Variants in OR4E2 observed in about 807,000 individuals in gnomAD.
OR4E2 encodes olfactory receptor 4E2.
In OR4E2, 9 loss-of-function variants were observed where a neutral mutation model predicts 11.0. That is an observed-to-expected ratio of 0.82 (90% CI 0.49 to 1.43). The LOEUF is 1.43. OR4E2 is among the 40% of genes most tolerant of loss of function. The pLI is 0.00. For synonymous variants in OR4E2, 159 were observed against 147.3 expected, an observed-to-expected ratio of 1.08 and a Z score of -0.57; for missense variants, 441 against 382.0, an observed-to-expected ratio of 1.15 and a Z score of -1.29.
rs150441769 is a variant in OR4E2 at position 21,655,813 on chromosome 14, G to A, written c.-190-689G>A. Reference sequence around the variant, plus strand: ...TTCTATAAAAAAATTTGTTGAATGCGTCTTAAAATGCAGTTCCAATGGTGC... The same window carrying A: ...TTCTATAAAAAAATTTGTTGAATGCATCTTAAAATGCAGTTCCAATGGTGC... On this transcript the variant is annotated intron_variant, in intron 1 of 3. Transcript: ENST00000641524. 1.8e-3 allele frequency among the ~76,000 whole-genome samples: 274 copies of A among 152,134 alleles called. 1 individual carries two copies. Among genetic ancestry groups the A allele is most frequent in the African/African-American group, 6.1e-3 (251 of 41,476 alleles).
intron 2 of OR4E2, among the ~76,000 whole-genome samples, chr14:21,657,622 C>T (rs1880082683): frequency 6.8e-6 from 1 of 147,006 alleles, no homozygotes; most frequent in East Asian, 2.0e-4. Context: ...CGGAGTTTTG[C>T]TCTTGTTGCC....
At chr14:21,660,117 G>A (rs117380298) in intron 2 of OR4E2, among the ~76,000 whole-genome samples, 4,859 of 152,154 alleles carry the variant, frequency 0.032, 113 homozygotes, top group Non-Finnish European at 0.046. Context: ...TCCATGGACT[G>A]GGGGTGGGGG....
intron 3 of OR4E2, among the ~76,000 whole-genome samples, chr14:21,661,218 C>A (rs1175424487): frequency 1.3e-5 from 2 of 152,100 alleles, no homozygotes; most frequent in African/African-American, 4.8e-5. Context: ...GTGTGTTCGT[C>A]AACAACTATC....
At chr14:21,659,116 G>GC (rs1489457173) in intron 2 of OR4E2, among the ~76,000 whole-genome samples, 1 of 151,914 alleles carries the variant, frequency 6.6e-6, no homozygotes, top group African/African-American at 2.4e-5. Flanking sequence ...GCTCACTGCA[G>GC]CCTCAAACTC....
chr14:21,664,736 G>A (rs534317629), intron 3 of OR4E2, among the ~76,000 whole-genome samples: 1 of 152,298 alleles, frequency 6.6e-6, no homozygotes, highest in South Asian at 2.1e-4. Context: ...TGGAATATTA[G>A]CTTAATGTTA....
At chr14:21,655,954 A>G (rs527495383) in intron 1 of OR4E2, among the ~76,000 whole-genome samples, 50 of 152,144 alleles carry the variant, frequency 3.3e-4, no homozygotes, top group African/African-American at 1.2e-3. Context: ...GAAAAGAAAA[A>G]GGATTAAAAA....
At chr14:21,658,262 C>T (rs1880126827) in intron 2 of OR4E2, among the ~76,000 whole-genome samples, 3 of 152,268 alleles carry the variant, frequency 2.0e-5, no homozygotes, top group South Asian at 4.2e-4. Context: ...GGAGATGAAC[C>T]TGTCAAAGGT....
Position 21,665,657 on chromosome 14 carries a change from C to T in OR4E2, c.575C>T (p.Thr192Ile). The change falls in exon 4 of 4, where the codon ACA becomes ATA. Residue 192 changes from threonine (T) to isoleucine (I), a missense_variant. Transcript: ENST00000641524. ...PLVIKLACTD[T>I]YLTGILIVTN... Reference sequence around the variant, plus strand: ...GTTATCAAGCTGGCCTGCACAGATACATACCTCACAGGAATACTGATTGTG... The same window carrying T: ...GTTATCAAGCTGGCCTGCACAGATATATACCTCACAGGAATACTGATTGTG... 6.2e-7 allele frequency: 1 copy of T among 1,614,204 alleles called. No individual in the cohort carries two copies. The highest frequency in any genetic ancestry group is 8.5e-7 in the Non-Finnish European group (1 of 1,180,034).
rs948976667 is a variant in OR4E2, at chr14:21,665,207, A to G, written c.125A>G (p.Asn42Ser). ...ATTTATATGCTAACGCTTTCGGGGA[A>G]CATTCTCATCATCATTGCCACAGTC... ...SAIYMLTLSGNILIIIATVFT... is the reference protein window; with the variant it reads ...SAIYMLTLSGSILIIIATVFT... The change falls in exon 4 of 4, where the codon AAC (asparagine) becomes AGC (serine). Residue 42 changes from asparagine to serine, a missense_variant. Physicochemically the swap from Asn to Ser is conservative, Grantham distance 46. Transcript: ENST00000641524. The G allele has an allele frequency of 5.0e-6, 8 of 1,613,826 alleles. No individual in the cohort carries two copies. The African/African-American group carries it at 5.3e-5, about 11-fold the overall frequency.
chr14:21,663,979 C>T (rs1216014296), intron 3 of OR4E2, among the ~76,000 whole-genome samples: 2 of 152,170 alleles, frequency 1.3e-5, no homozygotes, highest in Admixed American at 1.3e-4. Context: ...TTATGTACCA[C>T]ATTTTCTTTA....
In OR4E2 at chr14:21,657,352, T is replaced by A. The variant is rs563800122; in HGVS notation, c.-103+763T>A. Among the ~76,000 whole-genome samples, 65 of 141,998 alleles carry A rather than the reference T, an allele frequency of 4.6e-4. 1 individual carries two copies. In the South Asian group the frequency reaches 8.6e-3, roughly 19 times the overall value. The allele number at this position is 141,998 out of a possible 152,430, so 93.2% of individuals were successfully genotyped here. On this transcript the variant is annotated intron_variant, in intron 2 of 3. Transcript: ENST00000641524. ...GATGTTAAATGCTTCCTTCCTTCCT[T>A]CCTTCCTTCCTTCCTTCCTTCCTTC...
intron 3 of OR4E2, 54 bp from the exon 4 acceptor site, chr14:21,665,021 G>T: frequency 1.1e-6 from 1 of 902,536 alleles, no homozygotes; most frequent in Middle Eastern, 2.3e-4. Context: ...ATTTCAATTA[G>T]TTCTATTCCT....
At chr14:21,654,938 T>C (rs984998818) in intron 1 of OR4E2, among the ~76,000 whole-genome samples, 1 of 152,190 alleles carries the variant, frequency 6.6e-6, no homozygotes, top group Admixed American at 6.5e-5. Context: ...AGGACCTCAG[T>C]CATTTTTCTT....
intron 1 of OR4E2, among the ~76,000 whole-genome samples, chr14:21,655,968 C>A (rs929181944): frequency 6.6e-6 from 1 of 151,412 alleles, no homozygotes; most frequent in African/African-American, 2.4e-5. Flanking sequence ...TTAAAAAAAA[C>A]CAAGGACCAA....
chr14:21,655,684 T>A (rs1879902981), intron 1 of OR4E2, among the ~76,000 whole-genome samples: 1 of 152,124 alleles, frequency 6.6e-6, no homozygotes, highest in African/African-American at 2.4e-5. Context: ...AAAAAAAGTT[T>A]TAAAAATTTT....
chr14:21,667,531 A>G lies in OR4E2; in HGVS notation c.*1507A>G, dbSNP rs559701786. On this transcript the variant is annotated 3_prime_UTR_variant, in exon 4 of 4. Coordinates refer to ENST00000641524, the MANE Select transcript of OR4E2 (RefSeq NM_001001912.3). ...AAGGGTAGAAAATGGTCAGTCCCCT[A>G]TAATTCTCATATAAAACTTGAGTCA... is the stretch of plus-strand genomic sequence containing the variant. The G allele has an allele frequency of 6.6e-6, 1 of 152,348 alleles. No homozygotes were observed. Among genetic ancestry groups the G allele is most frequent in the African/African-American group, 2.4e-5 (1 of 41,590 alleles). The allele number at this position is 152,348 out of a possible 1,614,324, so 9.4% of individuals were successfully genotyped here. A position where few individuals can be genotyped will look rare whatever the true frequency, so the allele number is the denominator to read the frequency against.
intron 2 of OR4E2, among the ~76,000 whole-genome samples, chr14:21,657,381 CCTTCCTTTCTTT>C (rs1880017251): frequency 3.1e-4 from 43 of 138,082 alleles, no homozygotes; most frequent in East Asian, 4.2e-4. Context: ...TTCCTTCCTT[CCTTCCTTTCTTT>C]CTTCCTTCCT....
intron 2 of OR4E2, among the ~76,000 whole-genome samples, chr14:21,657,180 G>C (rs1200288565): frequency 6.6e-6 from 1 of 152,202 alleles, no homozygotes; most frequent in African/African-American, 2.4e-5. Flanking sequence ...GAAAGTCAGT[G>C]TACAGATTAG....
chr14:21,665,158 C>G lies in OR4E2; in HGVS notation c.76C>G (p.Leu26Val), dbSNP rs761923735. ...GLTDNRVLEMLFFMAFSAIYM... is the reference protein window; with the variant it reads ...GLTDNRVLEMVFFMAFSAIYM... ...CACTGATAACCGGGTGCTGGAAATG[C>G]TGTTTTTCATGGCATTCTCAGCCAT... Residue 26 changes from leucine (L) to valine (V), a missense_variant, in exon 4 of 4, where the codon CTG (leucine) becomes GTG (valine). Transcript: ENST00000641524. 1.2e-6 allele frequency: 2 copies of G among 1,613,938 alleles called. No individual in the cohort carries two copies. Among genetic ancestry groups the G allele is most frequent in the South Asian group, 1.1e-5 (1 of 91,074 alleles).
Sources: gnomAD v4.1 joint callset for allele counts (sites outside exome capture counted in the v4.1 genomes callset) on GRCh38, gnomAD v4.1.1 for gene constraint, MANE v1.5 for transcripts, NCBI Gene and HGNC (gene_info 2026-07-23, HGNC 2026-07-21) for gene names.